Variants in RRM2 observed in about 807,000 individuals in gnomAD.
The protein encoded by RRM2 is ribonucleoside-diphosphate reductase subunit M2.
RRM2 carries 6 observed loss-of-function variants against 45.9 expected under a neutral mutation model. The ratio of observed to expected loss-of-function variants is 0.13; its 90% CI spans 0.07 to 0.26. RRM2 has a LOEUF of 0.26. RRM2 is among the 10% of genes least tolerant of loss of function. The pLI, the probability that RRM2 is intolerant of heterozygous loss-of-function variation, is 1.00. For missense variants in RRM2, 343 were observed against 489.5 expected, an observed-to-expected ratio of 0.70 and a Z score of 2.82; for synonymous variants, 177 against 173.0, an observed-to-expected ratio of 1.02 and a Z score of -0.18.
At position 10,160,811 on chromosome 2, in the gene RRM2, C is replaced by A. The variant is rs1025037172; in HGVS notation, n.482+18436C>A. Among the ~76,000 whole-genome samples the A allele has an allele frequency of 1.6e-4, 25 of 152,326 alleles. No homozygotes were observed. In the East Asian group the frequency reaches 1.7e-3, roughly 11 times the overall value. On this transcript the variant is annotated intron_variant and non_coding_transcript_variant, in intron 3 of 3. Coordinates refer to the RRM2 transcript ENST00000381786. ...AGTCTTTCCTGGAGCCCTGCCCCCG[C>A]CAGGTGAGCTGGCTGCTTTCTTGGG...
intron 3 of RRM2, among the ~76,000 whole-genome samples, chr2:10,201,512 T>C (rs1009873528): frequency 5.3e-5 from 8 of 152,232 alleles, no homozygotes; most frequent in African/African-American, 1.9e-4. Context: ...ACGTCCTTCC[T>C]CTATTCTGAT....
rs985671908 is a variant in RRM2 at position 10,185,728 on chromosome 2, C to T, written n.483-24583C>T. 6.6e-6 allele frequency among the ~76,000 whole-genome samples: 1 copy of T among 152,116 alleles called. No individual in the cohort carries two copies. The highest frequency in any genetic ancestry group is 1.5e-5 in the Non-Finnish European group (1 of 68,022). On this transcript the variant is annotated intron_variant and non_coding_transcript_variant, in intron 3 of 3. Transcript: ENST00000381786. The surrounding 1 kb of genome is among the most constrained non-coding windows in gnomAD (Gnocchi z 4.3). ...CTCCCCTTCCTTGCCTTTCAAACTC[C>T]TCTCTCTGTCCCTTTGTCTCCTTTC...
Position 10,127,682 on chromosome 2 carries a change from C to T in RRM2, c.798+462C>T, listed in dbSNP as rs1662811955. 6.6e-6 allele frequency among the ~76,000 whole-genome samples: 1 copy of T among 151,704 alleles called. No homozygotes were observed. The highest frequency in any genetic ancestry group is 1.5e-5 in the Non-Finnish European group (1 of 67,908). On this transcript the variant is annotated intron_variant, in intron 7 of 9. Transcript: ENST00000304567. The surrounding 1 kb of genome is among the most constrained non-coding windows in gnomAD (Gnocchi z 4.1). Reference sequence around the variant, plus strand: ...ACAGACGGGGTTTCACCATGTTTGCCAGACTGGGGTTGAACTCCTGACCTC... The same window carrying T: ...ACAGACGGGGTTTCACCATGTTTGCTAGACTGGGGTTGAACTCCTGACCTC...
chr2:10,126,849 T>C, intron 5 of RRM2, 26 bp from the exon 6 acceptor site: 10 of 1,577,532 alleles, frequency 6.3e-6, no homozygotes, highest in Non-Finnish European at 8.7e-6. Context: ...AATGCTTCAA[T>C]TGCTGATACC....
intron 3 of RRM2, among the ~76,000 whole-genome samples, chr2:10,160,974 C>T (rs1007558975): frequency 1.1e-4 from 16 of 152,230 alleles, no homozygotes; most frequent in African/African-American, 3.9e-4. Flanking sequence ...TAGCTGGTCG[C>T]TCCGTCCTTC....
At chr2:10,194,440 G>A (rs923156404) in intron 3 of RRM2, among the ~76,000 whole-genome samples, 11 of 152,212 alleles carry the variant, frequency 7.2e-5, no homozygotes, top group Non-Finnish European at 1.5e-4. Context: ...CAGCTTGTGC[G>A]GGCCCAAATG....
chr2:10,186,882 C>A (rs755349950), intron 3 of RRM2, among the ~76,000 whole-genome samples: 1 of 152,242 alleles, frequency 6.6e-6, no homozygotes, highest in Non-Finnish European at 1.5e-5. Flanking sequence ...GACACGTCTT[C>A]TGTGCTCCAT....
intron 3 of RRM2, among the ~76,000 whole-genome samples, chr2:10,154,097 T>G (rs2125316133): frequency 6.6e-6 from 1 of 152,256 alleles, no homozygotes; most frequent in Non-Finnish European, 1.5e-5. Flanking sequence ...CCCTCTGGGG[T>G]TAGTTAGCTG....
intron 3 of RRM2, among the ~76,000 whole-genome samples, chr2:10,184,091 TAAAA>T (rs60421650): frequency 4.9e-4 from 15 of 30,682 alleles, no homozygotes; most frequent in Non-Finnish European, 6.5e-4. Flanking sequence ...AGACTCCATC[TAAAA>T]AAAAAAAAAA....
rs1663832064 is a variant in RRM2, at chr2:10,172,894, C to T, written n.482+30519C>T. 6.6e-6 allele frequency among the ~76,000 whole-genome samples: 1 copy of T among 152,218 alleles called. No individual in the cohort carries two copies. The highest frequency in any genetic ancestry group is 2.1e-4 in the South Asian group (1 of 4,838). ...CGGATCCCATACCGGTGATGCCAAC[C>T]CCCTGAGTCCCGGGGAACAGTGGCA... On this transcript the variant is annotated intron_variant and non_coding_transcript_variant, in intron 3 of 3. Coordinates refer to the RRM2 transcript ENST00000381786. The surrounding 1 kb of genome is among the most constrained non-coding windows in gnomAD (Gnocchi z 4.9).
rs1214393338 is a variant in RRM2, at chr2:10,127,311, A to G, written c.798+91A>G. On this transcript the variant is annotated intron_variant, in intron 7 of 9. Transcript: ENST00000304567. The surrounding 1 kb of genome is among the most constrained non-coding windows in gnomAD (Gnocchi z 4.1). The stretch of plus-strand genomic sequence containing the variant: ...CACTGACGGGGACCTGAGATGCTAG[A>G]TGGCATATATCCACATTTAATGTGT... 1.5e-6 allele frequency: 2 copies of G among 1,302,412 alleles called. No individual in the cohort carries two copies. Among genetic ancestry groups the G allele is most frequent in the Non-Finnish European group, 2.1e-6 (2 of 931,332 alleles). 80.7% of individuals were successfully genotyped at this position (1,302,412 alleles called of 1,614,324 possible).
chr2:10,157,776 T>C (rs138753276), intron 3 of RRM2, among the ~76,000 whole-genome samples: 2 of 152,332 alleles, frequency 1.3e-5, no homozygotes, highest in African/African-American at 4.8e-5. Context: ...ATAACTCTAT[T>C]AGAGGCAACT....
intron 3 of RRM2, among the ~76,000 whole-genome samples, chr2:10,161,737 A>C (rs1206295947): frequency 1.3e-5 from 2 of 152,126 alleles, no homozygotes; most frequent in East Asian, 3.8e-4. Flanking sequence ...ATGAACTCAC[A>C]GGACTCTAAT....
In RRM2 at chr2:10,126,924, G is replaced by T; in HGVS notation, c.619G>T (p.Ala207Ser). The change falls in exon 6 of 10, where the codon GCA becomes TCA. Residue 207 changes from alanine to serine, a missense_variant. This residue lies in a region of RRM2 where 212 missense variants were observed against 368.1 expected (regional missense o/e 0.58). Coordinates refer to ENST00000304567, the MANE Select transcript of RRM2 (RefSeq NM_001034.4). The stretch of plus-strand genomic sequence containing the variant: ...AACGATGCCTTGTGTCAAGAAGAAG[G>T]CAGACTGGGCCTTGCGCTGGATTGG... ...IETMPCVKKK[A>S]DWALRWIGDK... 1.2e-6 allele frequency: 2 copies of T among 1,614,158 alleles called. No homozygotes were observed. Among genetic ancestry groups the T allele is most frequent in the Non-Finnish European group, 1.7e-6 (2 of 1,180,024 alleles).
chr2:10,126,578 C>A, intron 5 of RRM2: 1 of 319,100 alleles, frequency 3.1e-6, no homozygotes, highest in Non-Finnish European at 5.7e-6. Context: ...TTAAAGGCAA[C>A]AAATGTCCCT....
chr2:10,142,453 G>C, intron 3 of RRM2: 1 of 1,326,644 alleles, frequency 7.5e-7, no homozygotes, highest in Non-Finnish European at 1.0e-6. Context: ...GTCATCTGCT[G>C]TTTCCTAGCT....
intron 3 of RRM2, among the ~76,000 whole-genome samples, chr2:10,188,822 G>A (rs376748694): frequency 1.4e-3 from 206 of 152,316 alleles, no homozygotes; most frequent in African/African-American, 3.9e-3. Context: ...AGGGCGCTGC[G>A]GAGAGAGTGG....
In RRM2 at chr2:10,123,769, T is replaced by A. The variant is rs746201114; in HGVS notation, c.352T>A (p.Ser118Thr). The stretch of plus-strand genomic sequence containing the variant: ...CTCCAAGGACATTCAGCACTGGGAA[T>A]CCCTGAAACCCGAGGAGAGATATTT... ...DLSKDIQHWE[S>T]LKPEERYFIS... Residue 118 changes from serine to threonine, a missense_variant, in exon 4 of 10, where the codon TCC becomes ACC. By Grantham distance (58) the Ser-to-Thr change is moderately conservative. This residue lies in a region of RRM2 where 212 missense variants were observed against 368.1 expected (regional missense o/e 0.58). Coordinates refer to ENST00000304567, the MANE Select transcript of RRM2 (RefSeq NM_001034.4). 38 of 1,611,834 alleles carry A rather than the reference T, an allele frequency of 2.4e-5. No individual in the cohort carries two copies. The highest frequency in any genetic ancestry group is 3.2e-5 in the Non-Finnish European group (38 of 1,178,030).
At chr2:10,148,143 CAAAAAAA>C (rs374826185) in intron 3 of RRM2, among the ~76,000 whole-genome samples, 7 of 119,562 alleles carry the variant, frequency 5.9e-5, no homozygotes, top group African/African-American at 1.2e-4. Context: ...GACCCTGACT[CAAAAAAA>C]AAAAAAAAAA....
Sources: gnomAD v4.1 joint callset for allele counts (sites outside exome capture counted in the v4.1 genomes callset) on GRCh38, gnomAD v4.1.1 for gene constraint, gnomAD v4.1.1 regional missense constraint, Gnocchi (gnomAD v3.1) non-coding constraint, MANE v1.5 for transcripts, NCBI Gene and HGNC (gene_info 2026-07-23, HGNC 2026-07-21) for gene names.